Variants in SCAPER observed in about 807,000 individuals in gnomAD.
The protein encoded by SCAPER is S phase cyclin A-associated protein in the endoplasmic reticulum.
A neutral mutation model predicts 182.2 loss-of-function variants in SCAPER; 98 were observed. The ratio of observed to expected loss-of-function variants is 0.54; its 90% CI spans 0.46 to 0.64. The LOEUF (loss-of-function observed/expected upper bound fraction) is 0.64, where lower values mean the gene tolerates loss of function less well. Ranked by LOEUF, SCAPER falls within the 30% of genes least tolerant of loss-of-function variation. The pLI is 0.00. For synonymous variants in SCAPER, 605 were observed against 564.6 expected (o/e 1.07, Z -1.01); for missense variants, 1,432 against 1,690.0 (o/e 0.85, Z 2.68).
In SCAPER at chr15:76,757,448, T is replaced by TTA. The variant is rs34697300; in HGVS notation, c.1726-3502_1726-3501dup. 1.2e-3 allele frequency among the ~76,000 whole-genome samples: 169 copies of TTA among 140,288 alleles called. 2 individuals are homozygous for TTA. The highest frequency in any genetic ancestry group is 3.2e-3 in the African/African-American group (119 of 37,094). 92.0% of individuals were successfully genotyped at this position (140,288 alleles called of 152,430 possible). Reference sequence around the variant, plus strand: ...TCTTAAGGCTAGATAATATTCTGTTTTATATATACACACACACACACACAC... The same window carrying TTA: ...TCTTAAGGCTAGATAATATTCTGTTTTATATATATACACACACACACACACAC... On this transcript the variant is annotated intron_variant, in intron 14 of 31. Transcript: ENST00000563290.
chr15:76,780,889 C>T (rs886366105), intron 8 of SCAPER, among the ~76,000 whole-genome samples: 3 of 152,206 alleles, frequency 2.0e-5, no homozygotes, highest in African/African-American at 7.2e-5. Flanking sequence ...AGGTCACCAA[C>T]ATCAAGGATC....
intron 25 of SCAPER, among the ~76,000 whole-genome samples, chr15:76,464,765 A>G (rs1189597868): frequency 6.6e-6 from 1 of 152,208 alleles, no homozygotes; most frequent in Admixed American, 6.6e-5. Flanking sequence ...ATACGTACCC[A>G]GAAGCAGGAT....
At chr15:76,425,838 G>T (rs1441338089) in intron 26 of SCAPER, among the ~76,000 whole-genome samples, 1 of 152,216 alleles carries the variant, frequency 6.6e-6, no homozygotes, top group Non-Finnish European at 1.5e-5. Context: ...TAACAGTCAG[G>T]ACCCTCAGCT....
chr15:76,585,159 A>C (rs1033312520), intron 22 of SCAPER, among the ~76,000 whole-genome samples: 3 of 152,162 alleles, frequency 2.0e-5, no homozygotes, highest in African/African-American at 2.4e-5. Context: ...TCTTCATCTT[A>C]AAAGTCAGGA....
At chr15:76,420,615 A>G (rs2045961970) in intron 26 of SCAPER, among the ~76,000 whole-genome samples, 2 of 152,162 alleles carry the variant, frequency 1.3e-5, no homozygotes, top group Non-Finnish European at 2.9e-5. Context: ...GTTGTTAACT[A>G]TAAGAAGACT....
At chr15:76,823,774 C>T (rs2067764020) in intron 5 of SCAPER, among the ~76,000 whole-genome samples, 1 of 151,908 alleles carries the variant, frequency 6.6e-6, no homozygotes, top group African/African-American at 2.4e-5. Flanking sequence ...AGTTGGCTTC[C>T]TTCCCTCAAT....
Position 76,499,673 on chromosome 15 carries a change from CG to C in SCAPER, c.2954+5185del, listed in dbSNP as rs969853468. On this transcript the variant is annotated intron_variant, in intron 24 of 31. Transcript: ENST00000563290. ...TGCAGCACATAATAAAGTGCTAAGC[CG>C]AACTATTCTCTAACCCATTTGATAT... Among the ~76,000 whole-genome samples, 15 of 152,060 alleles carry C rather than the reference CG, an allele frequency of 9.9e-5. 1 individual carries two copies. The highest frequency in any genetic ancestry group is 3.6e-4 in the African/African-American group (15 of 41,386).
intron 8 of SCAPER, among the ~76,000 whole-genome samples, 165 bp from the exon 9 acceptor site, chr15:76,775,282 T>G (rs1202831694): frequency 6.6e-6 from 1 of 152,152 alleles, no homozygotes; most frequent in Non-Finnish European, 1.5e-5. Context: ...CATATTTAAA[T>G]AAATGTATGT....
chr15:76,800,441 A>G (rs1036393643), intron 6 of SCAPER, 77 bp from the exon 7 acceptor site: 14 of 919,678 alleles, frequency 1.5e-5, no homozygotes, highest in Non-Finnish European at 2.4e-5. Context: ...CTTGGTTGTT[A>G]GTGGCTGAAA....
chr15:76,578,929 T>C (rs898433389), intron 22 of SCAPER, among the ~76,000 whole-genome samples: 5 of 152,196 alleles, frequency 3.3e-5, no homozygotes, highest in Non-Finnish European at 5.9e-5. Context: ...AATAGTTGTT[T>C]TGATGAAACT....
intron 8 of SCAPER, among the ~76,000 whole-genome samples, chr15:76,780,054 G>A (rs985375684): frequency 6.6e-5 from 10 of 152,324 alleles, no homozygotes; most frequent in East Asian, 1.9e-4. Flanking sequence ...CACAAAAGGC[G>A]AGCCAAAGCA....
chr15:76,506,912 T>C (rs1175837629), intron 23 of SCAPER, among the ~76,000 whole-genome samples: 1 of 152,210 alleles, frequency 6.6e-6, no homozygotes, highest in Admixed American at 6.5e-5. Flanking sequence ...ATAATTCTTG[T>C]GGGAAATAAC....
chr15:76,505,558 C>A (rs913697611), intron 23 of SCAPER, among the ~76,000 whole-genome samples: 10 of 152,092 alleles, frequency 6.6e-5, no homozygotes, highest in African/African-American at 2.4e-4. Flanking sequence ...TCATCTCACC[C>A]CAGTTAAAAT....
intron 15 of SCAPER, among the ~76,000 whole-genome samples, chr15:76,751,249 T>A (rs2062068436): frequency 6.6e-6 from 1 of 151,568 alleles, no homozygotes; most frequent in Non-Finnish European, 1.5e-5. Flanking sequence ...AAATAAAAAA[T>A]TATCCCATGA....
At chr15:76,836,533 C>T (rs1301828807) in intron 5 of SCAPER, among the ~76,000 whole-genome samples, 2 of 152,078 alleles carry the variant, frequency 1.3e-5, no homozygotes, top group African/African-American at 4.8e-5. Flanking sequence ...TGAAACTGGA[C>T]CACTTCCTTT....
intron 27 of SCAPER, among the ~76,000 whole-genome samples, chr15:76,391,775 T>C (rs2043716574): frequency 6.6e-6 from 1 of 152,240 alleles, no homozygotes; most frequent in Non-Finnish European, 1.5e-5. Context: ...ATTTAGCTTC[T>C]TTCTCTAGGT....
rs116676325 is a variant in SCAPER at position 76,504,699 on chromosome 15, C to T, written c.2954+160G>A. 3.6e-3 allele frequency among the ~76,000 whole-genome samples: 546 copies of T among 152,236 alleles called. 2 individuals are homozygous for T. The highest frequency in any genetic ancestry group is 0.013 in the African/African-American group (524 of 41,548). On this transcript the variant is annotated intron_variant, in intron 24 of 31. Coordinates refer to ENST00000563290, the MANE Select transcript of SCAPER (RefSeq NM_020843.4). ...GGCTCAATTTGAGTTTCGTAAGTGA[C>T]GTTGAGCACCTCTGTTTTTCTCCCT...
chr15:76,638,632 A>G (rs1412301297), intron 21 of SCAPER, among the ~76,000 whole-genome samples: 1 of 152,208 alleles, frequency 6.6e-6, no homozygotes, highest in African/African-American at 2.4e-5. Flanking sequence ...AATATTTTCT[A>G]TTAATGTGGT....
intron 21 of SCAPER, among the ~76,000 whole-genome samples, chr15:76,661,921 G>A (rs1197099731): frequency 1.3e-5 from 2 of 152,080 alleles, no homozygotes; most frequent in Non-Finnish European, 2.9e-5. Context: ...ACAAAGACAT[G>A]GAACCAACCC....
Sources: gnomAD v4.1 joint callset for allele counts (sites outside exome capture counted in the v4.1 genomes callset) on GRCh38, gnomAD v4.1.1 for gene constraint, MANE v1.5 for transcripts, NCBI Gene and HGNC (gene_info 2026-07-23, HGNC 2026-07-21) for gene names.